The following PICALM variants were observed in gnomAD, a reference collection of about 807,000 sequenced individuals.
PICALM encodes phosphatidylinositol-binding clathrin assembly protein.
A neutral mutation model predicts 80.5 loss-of-function variants in PICALM; 40 were observed. The ratio of observed to expected loss-of-function variants is 0.50; its 90% CI spans 0.39 to 0.65. The LOEUF is 0.65. PICALM is among the 30% of genes least tolerant of loss of function. The pLI, the probability that PICALM is intolerant of heterozygous loss-of-function variation, is 0.00. For missense variants in PICALM, 676 were observed against 778.9 expected (o/e 0.87, Z 1.57); for synonymous variants, 288 against 260.3 (o/e 1.11, Z -1.02).
chr11:86,068,433 G>A (rs1443609717), intron 1 of PICALM, among the ~76,000 whole-genome samples: 2 of 152,166 alleles, frequency 1.3e-5, no homozygotes, highest in Non-Finnish European at 1.5e-5. Context: ...AATAGGGAGG[G>A]GAGTGGCTTG....
intron 2 of PICALM, among the ~76,000 whole-genome samples, chr11:86,026,862 C>T (rs142718328): frequency 2.0e-5 from 3 of 152,282 alleles, no homozygotes; most frequent in Non-Finnish European, 4.4e-5. Context: ...ATTGAAGAAC[C>T]ACACCTTCAA....
Position 85,981,766 on chromosome 11 carries a change from A to G in PICALM, c.1658T>C (p.Ile553Thr). ...TCACTTCTTAGTGGTTCCATTTCCG[A>G]TGCCAAGATCTAGGAAAGGAGAAAA... ...SLANLVGNLGIGNGTTKNDVN... is the reference protein window; with the variant it reads ...SLANLVGNLGTGNGTTKNDVN... Residue 553 changes from isoleucine (I) to threonine (T), a missense_variant, in exon 16 of 20, where the codon ATC becomes ACC. Transcript: ENST00000393346. 6.2e-7 allele frequency: 1 copy of G among 1,612,506 alleles called. No individual in the cohort carries two copies. Among genetic ancestry groups the G allele is most frequent in the Non-Finnish European group, 8.5e-7 (1 of 1,178,494 alleles).
At chr11:86,069,200 C>G, upstream of PICALM, 1 of 188,642 alleles carries the variant, frequency 5.3e-6, no homozygotes, top group Non-Finnish European at 1.1e-5. Flanking sequence ...GACGCCCGCC[C>G]TCCCTCGCTC....
chr11:86,023,447 C>G lies in PICALM; in HGVS notation c.350-978G>C, dbSNP rs549720435. 49 of 985,194 alleles carry G rather than the reference C, an allele frequency of 5.0e-5. No homozygotes were observed. The African/African-American group carries it at 7.7e-4, about 15-fold the overall frequency. The allele number at this position is 985,194 out of a possible 1,614,324, so 61.0% of individuals were successfully genotyped here. A position where few individuals can be genotyped will look rare whatever the true frequency, so the allele number is the denominator to read the frequency against. ...CTGTACACGTCAGGTGTTACATGCT[C>G]ACATTCCTCAGCTCTTCGGTTCATA... On this transcript the variant is annotated intron_variant, in intron 3 of 19. Coordinates refer to ENST00000393346, the MANE Select transcript of PICALM (RefSeq NM_007166.4).
At chr11:86,037,170 T>G (rs1392430814) in intron 1 of PICALM, among the ~76,000 whole-genome samples, 2 of 149,572 alleles carry the variant, frequency 1.3e-5, no homozygotes, top group Admixed American at 6.7e-5. Flanking sequence ...GGTCTCAATC[T>G]CTTGATCTCG....
rs1461911814 is a variant in PICALM, at chr11:85,958,625, T to G, written c.*421A>C. ...GGAGAAAAGAAAGATAATGCATAAT[T>G]AGGAATTTTAATTTTGATCCCCCAA... On this transcript the variant is annotated 3_prime_UTR_variant, in exon 20 of 20. Transcript: ENST00000393346. 1 of 232,902 alleles carries G rather than the reference T, an allele frequency of 4.3e-6. No homozygotes were observed. Among genetic ancestry groups the G allele is most frequent in the Non-Finnish European group, 8.4e-6 (1 of 118,458 alleles). 14.4% of individuals were successfully genotyped at this position (232,902 alleles called of 1,614,324 possible).
chr11:85,974,832 CA>C lies in PICALM; in HGVS notation c.1840-21del, dbSNP rs759537590. The C allele has an allele frequency of 4.1e-6, 6 of 1,467,646 alleles. No homozygotes were observed. In the South Asian group the frequency reaches 6.8e-5, roughly 17 times the overall value. The allele number at this position is 1,467,646 out of a possible 1,614,324, so 90.9% of individuals were successfully genotyped here. ...TGGAGGCTAAAAAAGAGAAAAATAT[CA>C]AAAGATACTGACTCCTATCTTCCTT... On this transcript the variant is annotated intron_variant, in intron 18 of 19. Coordinates refer to ENST00000393346, the MANE Select transcript of PICALM (RefSeq NM_007166.4).
intron 17 of PICALM, among the ~76,000 whole-genome samples, chr11:85,977,300 ACAAT>A (rs1248278013): frequency 2.6e-5 from 4 of 152,236 alleles, no homozygotes; most frequent in African/African-American, 4.8e-5. Flanking sequence ...TTTAAGAGGA[ACAAT>A]CAATTAGGTC....
At chr11:86,026,586 T>C (rs956854374) in intron 2 of PICALM, among the ~76,000 whole-genome samples, 2 of 152,146 alleles carry the variant, frequency 1.3e-5, no homozygotes, top group East Asian at 1.9e-4. Context: ...CCCACAGATA[T>C]AGTATTAAGT....
At chr11:86,025,394 G>A (rs61907308) in intron 3 of PICALM, among the ~76,000 whole-genome samples, 2 of 151,386 alleles carry the variant, frequency 1.3e-5, no homozygotes, top group Non-Finnish European at 2.9e-5. Context: ...ACGAGACTTC[G>A]TCTCAAAAAA....
intron 9 of PICALM, among the ~76,000 whole-genome samples, chr11:86,002,272 A>G (rs1239375005): frequency 1.3e-5 from 2 of 152,204 alleles, no homozygotes; most frequent in Non-Finnish European, 2.9e-5. Context: ...AAATCCAATA[A>G]CGGCATTTCC....
intron 15 of PICALM, 25 bp downstream of exon 15, chr11:85,981,847 A>G: frequency 6.2e-7 from 1 of 1,612,804 alleles, no homozygotes; most frequent in Non-Finnish European, 8.5e-7. Flanking sequence ...ATAAAAGAAG[A>G]TTAACGTATC....
At chr11:86,027,456 G>C (rs555844400) in intron 2 of PICALM, among the ~76,000 whole-genome samples, 9 of 150,906 alleles carry the variant, frequency 6.0e-5, no homozygotes, top group Admixed American at 1.3e-4. Context: ...GCATGTAGAG[G>C]CTAATAATCA....
At chr11:86,051,868 T>C (rs147403787) in intron 1 of PICALM, among the ~76,000 whole-genome samples, 118 of 152,368 alleles carry the variant, frequency 7.7e-4, no homozygotes, top group African/African-American at 2.3e-3. Flanking sequence ...TTATTCTCTA[T>C]GTCTTCTTAC....
chr11:85,992,287 T>C (rs7106389), intron 12 of PICALM, among the ~76,000 whole-genome samples: 2 of 150,090 alleles, frequency 1.3e-5, no homozygotes, highest in African/African-American at 4.9e-5. Flanking sequence ...GTGTTTTGTT[T>C]TTTTTTTTTT....
At chr11:85,969,297 G>A (rs1166802648) in intron 19 of PICALM, among the ~76,000 whole-genome samples, 4 of 152,202 alleles carry the variant, frequency 2.6e-5, no homozygotes, top group African/African-American at 9.7e-5. Context: ...TCAGGCAAGA[G>A]ACCAAGAGCT....
At chr11:86,042,142 G>A (rs1329727307) in intron 1 of PICALM, among the ~76,000 whole-genome samples, 2 of 152,100 alleles carry the variant, frequency 1.3e-5, no homozygotes, top group Non-Finnish European at 2.9e-5. Flanking sequence ...AGGCTCATCT[G>A]TAAACCACAT....
At chr11:85,963,280 G>C (rs2093752122) in intron 19 of PICALM, among the ~76,000 whole-genome samples, 1 of 152,216 alleles carries the variant, frequency 6.6e-6, no homozygotes, top group East Asian at 1.9e-4. Flanking sequence ...GTAATTTGTT[G>C]TTCTGGACAC....
chr11:85,964,356 A>G (rs1039532969), intron 19 of PICALM, among the ~76,000 whole-genome samples: 6 of 152,200 alleles, frequency 3.9e-5, no homozygotes, highest in African/African-American at 1.2e-4. Flanking sequence ...GGCAAAATCA[A>G]CCTCTTAAGA....
Sources: allele counts gnomAD v4.1 joint callset (sites outside exome capture counted in the v4.1 genomes callset), GRCh38; gene constraint gnomAD v4.1.1; transcripts MANE v1.5; gene names NCBI Gene and HGNC (gene_info 2026-07-23, HGNC 2026-07-21).